The following BAIAP2L1 variants were observed in gnomAD, a reference collection of about 807,000 sequenced individuals.
BAIAP2L1 encodes the protein BAR/IMD domain containing adaptor protein 2 like 1.
A neutral mutation model predicts 66.3 loss-of-function variants in BAIAP2L1; 35 were observed. The ratio of observed to expected loss-of-function variants is 0.53; its 90% CI spans 0.40 to 0.70. The LOEUF (loss-of-function observed/expected upper bound fraction) is 0.70. Among genes scored for constraint, BAIAP2L1 ranks in the 30% least tolerant of loss-of-function variants. BAIAP2L1 has a pLI of 0.00. For missense variants in BAIAP2L1, 622 were observed against 656.9 expected (o/e 0.95, Z 0.58); for synonymous variants, 269 against 248.7 (o/e 1.08, Z -0.77).
chr7:98,298,538 A>C (rs539956284), intron 12 of BAIAP2L1, among the ~76,000 whole-genome samples: 1 of 151,912 alleles, frequency 6.6e-6, no homozygotes. Context: ...GCGTGAACCC[A>C]GGAGGTGGAG....
intron 1 of BAIAP2L1, among the ~76,000 whole-genome samples, chr7:98,372,475 T>C (rs1249760913): frequency 6.6e-6 from 1 of 152,160 alleles, no homozygotes; most frequent in Non-Finnish European, 1.5e-5. Context: ...TAGTGCTTTG[T>C]TTTTCTCAGC....
At position 98,346,814 on chromosome 7, in the gene BAIAP2L1, G is replaced by A. The variant is rs775393473; in HGVS notation, c.214+8228C>T. 2.0e-5 allele frequency among the ~76,000 whole-genome samples: 3 copies of A among 152,274 alleles called. 1 individual carries two copies. Among genetic ancestry groups the A allele is most frequent in the African/African-American group, 7.2e-5 (3 of 41,574 alleles). On this transcript the variant is annotated intron_variant, in intron 3 of 13. Transcript: ENST00000005260. ...ATGAAATGGGAAAAGTAGCAACACT[G>A]AGTCAAACGTAGATGGAATTAGAGA...
At chr7:98,347,712 G>A (rs899989097) in intron 3 of BAIAP2L1, among the ~76,000 whole-genome samples, 8 of 151,814 alleles carry the variant, frequency 5.3e-5, no homozygotes, top group African/African-American at 9.7e-5. Flanking sequence ...GAAGCGGAGC[G>A]TGCAGTGAGC....
At chr7:98,358,971 G>A (rs372062159) in intron 2 of BAIAP2L1, among the ~76,000 whole-genome samples, 17 of 152,112 alleles carry the variant, frequency 1.1e-4, no homozygotes, top group East Asian at 7.7e-4. Flanking sequence ...GACTTGAGAG[G>A]TGCTGGGCAC....
At chr7:98,368,142 G>A (rs1482319126) in intron 1 of BAIAP2L1, among the ~76,000 whole-genome samples, 2 of 152,160 alleles carry the variant, frequency 1.3e-5, no homozygotes, top group East Asian at 3.9e-4. Flanking sequence ...ATCATGGCCG[G>A]GTGCAGTGGC....
chr7:98,366,078 T>A (rs907338882), intron 1 of BAIAP2L1, among the ~76,000 whole-genome samples: 1 of 152,098 alleles, frequency 6.6e-6, no homozygotes, highest in Non-Finnish European at 1.5e-5. Context: ...CACTCTACAG[T>A]CATCAGGGGC....
chr7:98,365,521 A>G (rs1802372848), intron 1 of BAIAP2L1, among the ~76,000 whole-genome samples: 3 of 152,064 alleles, frequency 2.0e-5, no homozygotes, highest in Admixed American at 6.6e-5. Flanking sequence ...CCCAGGATGG[A>G]GTGCAGTGGT....
chr7:98,343,969 A>C (rs1023690978), intron 3 of BAIAP2L1, among the ~76,000 whole-genome samples: 2 of 152,194 alleles, frequency 1.3e-5, no homozygotes, highest in African/African-American at 4.8e-5. Flanking sequence ...TCATGAGGTC[A>C]AGAGATCGAG....
At chr7:98,299,501 C>G (rs1193504029) in intron 12 of BAIAP2L1, among the ~76,000 whole-genome samples, 7 of 150,542 alleles carry the variant, frequency 4.6e-5, no homozygotes, top group Middle Eastern at 3.2e-3. Context: ...TGCTTCTTGA[C>G]CACCACGTTA....
chr7:98,320,319 G>A, intron 3 of BAIAP2L1, 21 bp from the exon 4 acceptor site: 1 of 1,552,688 alleles, frequency 6.4e-7, no homozygotes, highest in Non-Finnish European at 8.8e-7. Context: ...AACCAGATAT[G>A]TTAGCGGGAA....
chr7:98,370,078 C>T (rs1802476417), intron 1 of BAIAP2L1, among the ~76,000 whole-genome samples: 1 of 151,938 alleles, frequency 6.6e-6, no homozygotes, highest in African/African-American at 2.4e-5. Flanking sequence ...ATACACAAAT[C>T]CCTATCCAAA....
In BAIAP2L1 at chr7:98,304,282, C is replaced by T; in HGVS notation, c.1336G>A (p.Gly446Arg). 6.2e-7 allele frequency: 1 copy of T among 1,613,604 alleles called. No homozygotes were observed. The highest frequency in any genetic ancestry group is 8.5e-7 in the Non-Finnish European group (1 of 1,179,746). ...TCTGCTCTCCTGTCGGCAGCTGCCC[C>T]CATGGACAAGCATTCCAAGTAGTCG... ...PPDYLECLSM[G>R]AAADRRADSA... The change falls in exon 12 of 14, where the codon GGG becomes AGG. Residue 446 changes from glycine to arginine, a missense_variant. Coordinates refer to ENST00000005260, the MANE Select transcript of BAIAP2L1 (RefSeq NM_018842.5).
At chr7:98,379,973 A>G (rs1390061626) in intron 1 of BAIAP2L1, among the ~76,000 whole-genome samples, 1 of 152,218 alleles carries the variant, frequency 6.6e-6, no homozygotes, top group East Asian at 1.9e-4. Flanking sequence ...TTATAAATTT[A>G]AATTGTGGTG....
chr7:98,377,697 A>G (rs924783100), intron 1 of BAIAP2L1, among the ~76,000 whole-genome samples: 1 of 151,638 alleles, frequency 6.6e-6, no homozygotes, highest in Non-Finnish European at 1.5e-5. Context: ...ACGCGCCTGT[A>G]ATCCCAGCTA....
intron 1 of BAIAP2L1, among the ~76,000 whole-genome samples, chr7:98,378,196 TAC>T (rs1802677678): frequency 7.4e-6 from 1 of 135,334 alleles, no homozygotes; most frequent in Non-Finnish European, 1.6e-5. Context: ...AAAAGTACCA[TAC>T]ACTATTTCTC....
At chr7:98,318,337 T>C (rs1461230943) in intron 5 of BAIAP2L1, among the ~76,000 whole-genome samples, 1 of 152,064 alleles carries the variant, frequency 6.6e-6, no homozygotes, top group Admixed American at 6.6e-5. Flanking sequence ...GCCACCAAGG[T>C]GGTTGCAGCA....
chr7:98,362,263 A>T, intron 2 of BAIAP2L1, 94 bp downstream of exon 2: 1 of 949,634 alleles, frequency 1.1e-6, no homozygotes, highest in Non-Finnish European at 1.6e-6. Flanking sequence ...TTAACCACTT[A>T]AAGGTATTTA....
chr7:98,390,001 C>T (rs934829473), intron 1 of BAIAP2L1, among the ~76,000 whole-genome samples: 4 of 126,110 alleles, frequency 3.2e-5, no homozygotes, highest in South Asian at 2.2e-4. Context: ...CTGCAAGCTC[C>T]GCCTCCCGGG....
chr7:98,375,928 A>G (rs1330739286), intron 1 of BAIAP2L1, among the ~76,000 whole-genome samples: 2 of 152,188 alleles, frequency 1.3e-5, no homozygotes, highest in African/African-American at 4.8e-5. Context: ...CTGCTGTTAA[A>G]TATCTAGCCG....
Sources: gnomAD v4.1 joint callset for allele counts (sites outside exome capture counted in the v4.1 genomes callset) on GRCh38, gnomAD v4.1.1 for gene constraint, MANE v1.5 for transcripts, NCBI Gene and HGNC (gene_info 2026-07-23, HGNC 2026-07-21) for gene names.